SPTBN5: variants seen among roughly 807,000 people sequenced by gnomAD.
SPTBN5 encodes the protein spectrin beta chain, non-erythrocytic 5.
In SPTBN5, 513 loss-of-function variants were observed where a neutral mutation model predicts 477.6. The ratio of observed to expected loss-of-function variants is 1.07; its 90% CI spans 1.00 to 1.16. SPTBN5 has a LOEUF of 1.16. Ranked by LOEUF, SPTBN5 falls within the 50% of genes most tolerant of loss-of-function variation. The pLI is 0.00. For missense variants in SPTBN5, 5,062 were observed against 4,731.8 expected (o/e 1.07, Z -2.05); for synonymous variants, 2,169 against 2,011.7 (o/e 1.08, Z -2.09).
intron 67 of SPTBN5, 30 bp from the exon 68 acceptor site, chr15:41,848,658 G>T (rs772562636): frequency 6.2e-7 from 1 of 1,613,562 alleles, no homozygotes; most frequent in African/African-American, 1.3e-5. Context: ...AATTTAGTAG[G>T]GTATGGCCAC....
Position 41,852,822 on chromosome 15 carries a change from AC to A in SPTBN5, c.10347+1del. The A allele has an allele frequency of 6.2e-7, 1 of 1,606,128 alleles. No individual in the cohort carries two copies. Among genetic ancestry groups the A allele is most frequent in the Non-Finnish European group, 8.5e-7 (1 of 1,175,844 alleles). ...CAGCTAAGGGGCAGGACCCCCACTC[AC>A]CCCATAGTCGGGCTTCAGCAGGAGT... On this transcript the variant is annotated splice_donor_variant, in intron 60 of 67. Coordinates refer to ENST00000320955, the MANE Select transcript of SPTBN5 (RefSeq NM_016642.4). LOFTEE classifies it high-confidence loss of function.
rs537554379 is a variant in SPTBN5 at position 41,872,198 on chromosome 15, C to A, written c.5165+104G>T. 1.9e-5 allele frequency: 27 copies of A among 1,411,394 alleles called. No individual in the cohort carries two copies. The South Asian group carries it at 3.1e-4, about 16-fold the overall frequency. 87.4% of individuals were successfully genotyped at this position (1,411,394 alleles called of 1,614,324 possible). On this transcript the variant is annotated intron_variant, in intron 27 of 67. Transcript: ENST00000320955. The stretch of plus-strand genomic sequence containing the variant: ...CCCTTTTCCCAATGCATCTCTACAG[C>A]CTGGGGTCATGGGTTCTGATTGACT...
chr15:41,853,543 A>G (rs1193021898), intron 58 of SPTBN5, 39 bp downstream of exon 58: 2 of 1,544,708 alleles, frequency 1.3e-6, no homozygotes, highest in African/African-American at 1.4e-5. Context: ...CCCACCCCAC[A>G]GGGTAGAGCT....
At chr15:41,859,396 T>G (rs1449237968) in intron 47 of SPTBN5, among the ~76,000 whole-genome samples, 9 of 152,212 alleles carry the variant, frequency 5.9e-5, no homozygotes, top group Admixed American at 5.2e-4. Flanking sequence ...TGACCTCAAA[T>G]GATCCACCTA....
rs2065695279 is a variant in SPTBN5 at position 41,849,935 on chromosome 15, T to C, written c.10946A>G (p.Lys3649Arg). Residue 3649 changes from lysine to arginine, a missense_variant, in exon 67 of 68, where the codon AAA becomes AGA. Lys to Arg is a conservative substitution (Grantham distance 26). Transcript: ENST00000320955. ...ATTCAGAGAGCTGACAGGTTTGGCT[T>C]TGAGTTTTGGGCTCAGACTCTGGGC... is the stretch of plus-strand genomic sequence containing the variant. Reference protein sequence around the residue: ...TAAQSLSPKLKAKPVSSLNEC... With the variant: ...TAAQSLSPKLRAKPVSSLNEC... 6.3e-7 allele frequency: 1 copy of C among 1,595,948 alleles called. No individual in the cohort carries two copies. The highest frequency in any genetic ancestry group is 1.3e-5 in the African/African-American group (1 of 74,618).
intron 20 of SPTBN5, 85 bp from the exon 21 acceptor site, chr15:41,876,369 A>G: frequency 6.9e-7 from 1 of 1,457,370 alleles, no homozygotes; most frequent in Non-Finnish European, 9.2e-7. Context: ...TGGTGTGGCC[A>G]CAGCCCCTGT....
rs1029901865 is a variant in SPTBN5 at position 41,881,130 on chromosome 15, G to A, written c.2562C>T (p.Leu854=). 3 of 1,613,610 alleles carry A rather than the reference G, an allele frequency of 1.9e-6. No homozygotes were observed. Among genetic ancestry groups the A allele is most frequent in the Non-Finnish European group, 2.5e-6 (3 of 1,179,858 alleles). Residue 854 remains leucine (L), a synonymous_variant, in exon 13 of 68, where the codon CTC becomes CTT. Transcript: ENST00000320955. The part of the protein sequence containing the change: ...PGPGDAWKMA[L]PAEPDPDFDP... ...CAAAGTCAGGGTCAGGCTCAGCTGG[G>A]AGGGCCATCTTCCAGGCATCCCCAG...
intron 7 of SPTBN5, among the ~76,000 whole-genome samples, chr15:41,884,219 C>T (rs2067077778): frequency 6.6e-6 from 1 of 152,148 alleles, no homozygotes; most frequent in African/African-American, 2.4e-5. Flanking sequence ...ATCTCTTGAC[C>T]TCGTGATCTG....
At chr15:41,883,591 C>G in intron 7 of SPTBN5, 105 bp from the exon 8 acceptor site, 2 of 1,391,820 alleles carry the variant, frequency 1.4e-6, no homozygotes, top group Non-Finnish European at 2.0e-6. Context: ...AAGAGTCTGA[C>G]CTCCATGGCT....
chr15:41,866,462 T>A lies in SPTBN5; in HGVS notation c.6512A>T (p.Gln2171Leu). Residue 2171 changes from glutamine (Q) to leucine (L), a missense_variant, in exon 37 of 68, where the codon CAG becomes CTG. Physicochemically the swap from Gln to Leu is moderately radical, Grantham distance 113 (BLOSUM62 -2). Transcript: ENST00000320955. The part of the protein sequence containing the change: ...AEDWIQAWAQ[Q>L]LKEPVPPGDL... ...CCCAGGAGGGACCGGCTCCTTCAGC[T>A]GCTGGGCCCACGCCTGGATCCAGTC... 1 of 1,593,870 alleles carries A rather than the reference T, an allele frequency of 6.3e-7. No homozygotes were observed. The highest frequency in any genetic ancestry group is 8.5e-7 in the Non-Finnish European group (1 of 1,171,652).
Position 41,876,665 on chromosome 15 carries a change from G to GGGGC in SPTBN5, c.3852-19_3852-18insGCCC. 1 of 1,292,944 alleles carries GGGGC rather than the reference G, an allele frequency of 7.7e-7. No individual in the cohort carries two copies. Among genetic ancestry groups the GGGGC allele is most frequent in the Non-Finnish European group, 1.1e-6 (1 of 904,830 alleles). 80.1% of individuals were successfully genotyped at this position (1,292,944 alleles called of 1,614,324 possible). The stretch of plus-strand genomic sequence containing the variant: ...CTCTGACCCTGGAGGGCGGGGGGGG[G>GGGGC]TTGGAGGAGGGCATGGGAGAGGACT... On this transcript the variant is annotated intron_variant, in intron 19 of 67. Coordinates refer to ENST00000320955, the MANE Select transcript of SPTBN5 (RefSeq NM_016642.4).
Position 41,883,349 on chromosome 15 carries a change from T to A in SPTBN5, c.1658A>T (p.Gln553Leu). Residue 553 changes from glutamine to leucine, a missense_variant and splice_region_variant, in exon 8 of 68, where the codon CAG becomes CTG. By Grantham distance (113) the Gln-to-Leu change is moderately radical (BLOSUM62 -2). Coordinates refer to ENST00000320955, the MANE Select transcript of SPTBN5 (RefSeq NM_016642.4). ...AGGGCCTGCTGGTCCAGTGCCCACC[T>A]GCAGCTCCTCCAGCTGGTGGGAGGC... ...EAASHQLEEL[Q>L]EPARSTACGQ... 1 of 1,613,046 alleles carries A rather than the reference T, an allele frequency of 6.2e-7. No individual in the cohort carries two copies. Among genetic ancestry groups the A allele is most frequent in the Non-Finnish European group, 8.5e-7 (1 of 1,179,746 alleles).
rs1201054294 is a variant in SPTBN5, at chr15:41,868,525, C to A, written c.5930G>T (p.Ser1977Ile). The A allele has an allele frequency of 6.2e-7, 1 of 1,608,728 alleles. No homozygotes were observed. Among genetic ancestry groups the A allele is most frequent in the Non-Finnish European group, 8.5e-7 (1 of 1,179,734 alleles). The change falls in exon 33 of 68, where the codon AGT becomes ATT. Residue 1977 changes from serine (S) to isoleucine (I), a missense_variant. By Grantham distance (142) the Ser-to-Ile change is moderately radical. Transcript: ENST00000320955. ...QVEESSQEPS[S>I]GPLKLSAHQW... Reference sequence around the variant, plus strand: ...GTGGGCACTGAGCTTCAGCGGGCCACTGCTAGGCTCTTGCGAACTCTCCTC... The same window carrying A: ...GTGGGCACTGAGCTTCAGCGGGCCAATGCTAGGCTCTTGCGAACTCTCCTC...
At position 41,853,754 on chromosome 15, in the gene SPTBN5, G is replaced by T. The variant is rs372023320; in HGVS notation, c.9808C>A (p.Arg3270=). The T allele has an allele frequency of 1.4e-4, 219 of 1,577,962 alleles. No individual in the cohort carries two copies. The highest frequency in any genetic ancestry group is 1.8e-4 in the Non-Finnish European group (213 of 1,162,080). ...AGTCGGCAGGCCTCCGTCTGTAGCCGTGCCACCTCCTTCTCCATAGCTTCC... is the reference window on the plus strand; with the variant it reads ...AGTCGGCAGGCCTCCGTCTGTAGCCTTGCCACCTCCTTCTCCATAGCTTCC... ...ELEAMEKEVA[R]LQTEACRLGQ... The change falls in exon 58 of 68, where the codon CGG becomes AGG. Residue 3270 remains arginine, a synonymous_variant. Coordinates refer to ENST00000320955, the MANE Select transcript of SPTBN5 (RefSeq NM_016642.4).
Position 41,869,770 on chromosome 15 carries a change from C to T in SPTBN5, c.5853+71G>A, listed in dbSNP as rs973692967. On this transcript the variant is annotated intron_variant, in intron 32 of 67. Transcript: ENST00000320955. ...CCCTCCGGAGCTGGAGGGCCTCATG[C>T]GTGCATGCCCATGCATGGTGCAGCA... 2.2e-5 allele frequency: 30 copies of T among 1,365,980 alleles called. No homozygotes were observed. The South Asian group carries it at 2.2e-4, about 10-fold the overall frequency. 84.6% of individuals were successfully genotyped at this position (1,365,980 alleles called of 1,614,324 possible).
Position 41,855,446 on chromosome 15 carries a change from C to T in SPTBN5, c.9219-18G>A, listed in dbSNP as rs2065904871. On this transcript the variant is annotated intron_variant, in intron 54 of 67. Transcript: ENST00000320955. The stretch of plus-strand genomic sequence containing the variant: ...CCTTGGGGCTGTGGGAAGAGAGCGA[C>T]AGTCTGGACTGCAGCCCTGCCTTTC... 1 of 1,596,100 alleles carries T rather than the reference C, an allele frequency of 6.3e-7. No individual in the cohort carries two copies. Among genetic ancestry groups the T allele is most frequent in the East Asian group, 2.2e-5 (1 of 44,532 alleles).
chr15:41,851,359 C>T lies in SPTBN5; in HGVS notation c.10667G>A (p.Ser3556Asn). 2 of 1,550,880 alleles carry T rather than the reference C, an allele frequency of 1.3e-6. No individual in the cohort carries two copies. Among genetic ancestry groups the T allele is most frequent in the Non-Finnish European group, 1.7e-6 (2 of 1,146,950 alleles). ...LLPGGRQPSS[S>N]SWDSCRGNLQ... Reference sequence around the variant, plus strand: ...GTTCCCGCGGCAGCTGTCCCAGGAGCTCGAGCTAGGCTGTGGAGAGGAGGC... The same window carrying T: ...GTTCCCGCGGCAGCTGTCCCAGGAGTTCGAGCTAGGCTGTGGAGAGGAGGC... Residue 3556 changes from serine (S) to asparagine (N), a missense_variant, in exon 64 of 68, where the codon AGC (serine) becomes AAC (asparagine). Coordinates refer to ENST00000320955, the MANE Select transcript of SPTBN5 (RefSeq NM_016642.4).
intron 12 of SPTBN5, 53 bp from the exon 13 acceptor site, chr15:41,881,287 C>G (rs1046741490): frequency 1.3e-6 from 2 of 1,500,030 alleles, no homozygotes; most frequent in Non-Finnish European, 1.8e-6. Context: ...GCAGCAGGGG[C>G]TTTGGCCAGG....
At chr15:41,860,440 TG>T (rs1567192321) in intron 47 of SPTBN5, 145 bp downstream of exon 47, 1 of 841,074 alleles carries the variant, frequency 1.2e-6, no homozygotes. Flanking sequence ...CCAGGGGTGG[TG>T]GGGACCCCCG....
Sources: allele counts gnomAD v4.1 joint callset (sites outside exome capture counted in the v4.1 genomes callset), GRCh38; gene constraint gnomAD v4.1.1; transcripts MANE v1.5; gene names NCBI Gene and HGNC (gene_info 2026-07-23, HGNC 2026-07-21).